NR2F1-AS1: variants seen among roughly 807,000 people sequenced by gnomAD.
NR2F1-AS1 encodes NR2F1 regulatory antisense RNA 1, also known as NR2F1 antisense RNA 1.
chr5:93,468,270 AAC>A lies in NR2F1-AS1; in HGVS notation n.639-72730_639-72729del, dbSNP rs574816479. 1.1e-3 allele frequency among the ~76,000 whole-genome samples: 174 copies of A among 152,362 alleles called. 2 individuals carry two copies. Among genetic ancestry groups the A allele is most frequent in the African/African-American group, 4.1e-3 (169 of 41,584 alleles). On this transcript the variant is annotated intron_variant and non_coding_transcript_variant, in intron 4 of 5. Transcript: ENST00000660523. ...GGTTGAACTAATTTACACTCCCACCAACAGTGTAAAAGCACTATTTCTCCACA... is the reference window on the plus strand; with the variant it reads ...GGTTGAACTAATTTACACTCCCACCAAGTGTAAAAGCACTATTTCTCCACA...
chr5:93,460,930 C>T (rs771237310), intron 4 of NR2F1-AS1, among the ~76,000 whole-genome samples: 1 of 152,204 alleles, frequency 6.6e-6, no homozygotes, highest in Non-Finnish European at 1.5e-5. Context: ...TGTGGCAATA[C>T]CTCAAAGACC....
chr5:93,522,445 C>T lies in NR2F1-AS1; in HGVS notation n.638+31316G>A, dbSNP rs114240785. 2.4e-3 allele frequency among the ~76,000 whole-genome samples: 368 copies of T among 152,260 alleles called. 2 individuals are homozygous for T. The highest frequency in any genetic ancestry group is 8.3e-3 in the African/African-American group (347 of 41,560). ...TTAAAGAATGAGGGTATTACTAATT[C>T]ATTCCCTTTTTTAAAAATACAACAA... is the stretch of plus-strand genomic sequence containing the variant. On this transcript the variant is annotated intron_variant and non_coding_transcript_variant, in intron 4 of 5. Coordinates refer to ENST00000660523, the Ensembl canonical transcript of NR2F1-AS1.
chr5:93,552,281 A>G (rs933074547), intron 4 of NR2F1-AS1, among the ~76,000 whole-genome samples: 1 of 152,184 alleles, frequency 6.6e-6, no homozygotes, highest in East Asian at 1.9e-4. Context: ...ACCAAGCTCA[A>G]TCTTGAATGA....
chr5:93,571,156 C>T (rs899476451), intron 1 of NR2F1-AS1: 12 of 152,060 alleles, frequency 7.9e-5, no homozygotes, highest in Non-Finnish European at 1.5e-4. Context: ...GCCACAGGCA[C>T]CTTAGGACCC....
chr5:93,435,248 T>G (rs1167832860), intron 4 of NR2F1-AS1, among the ~76,000 whole-genome samples: 1 of 152,168 alleles, frequency 6.6e-6, no homozygotes, highest in Non-Finnish European at 1.5e-5. Flanking sequence ...AACTCATGAT[T>G]TTTTTATTTT....
At chr5:93,482,853 G>A (rs1192135526) in intron 4 of NR2F1-AS1, among the ~76,000 whole-genome samples, 2 of 152,208 alleles carry the variant, frequency 1.3e-5, no homozygotes, top group Non-Finnish European at 2.9e-5. Context: ...CAACTGGGCA[G>A]AGCCCACTGC....
At chr5:93,553,636 T>C (rs549732920) in intron 4 of NR2F1-AS1, 58 of 152,350 alleles carry the variant, frequency 3.8e-4, no homozygotes, top group African/African-American at 1.3e-3. Flanking sequence ...TAATGAAGCA[T>C]CATGGTTCAA....
At chr5:93,478,825 T>C (rs758718031) in intron 4 of NR2F1-AS1, among the ~76,000 whole-genome samples, 2 of 152,248 alleles carry the variant, frequency 1.3e-5, no homozygotes, top group East Asian at 1.9e-4. Context: ...TATTTTCTTA[T>C]AGAAACTTGT....
At chr5:93,464,993 T>C (rs529363821) in intron 4 of NR2F1-AS1, among the ~76,000 whole-genome samples, 1 of 152,354 alleles carries the variant, frequency 6.6e-6, no homozygotes, top group African/African-American at 2.4e-5. Context: ...GTGGTATTTA[T>C]ATTAATAAAT....
At chr5:93,465,074 T>A (rs552041044) in intron 4 of NR2F1-AS1, among the ~76,000 whole-genome samples, 2 of 152,158 alleles carry the variant, frequency 1.3e-5, no homozygotes, top group African/African-American at 4.8e-5. Flanking sequence ...AATAGAAAAA[T>A]GGGATCTAAT....
At chr5:93,530,757 C>T (rs1751720144) in intron 4 of NR2F1-AS1, among the ~76,000 whole-genome samples, 1 of 152,066 alleles carries the variant, frequency 6.6e-6, no homozygotes, top group Non-Finnish European at 1.5e-5. Context: ...GTCCTAGAAA[C>T]AATATTTGCT....
At position 93,501,034 on chromosome 5, in the gene NR2F1-AS1, G is replaced by GATGAT. The variant is rs540459646; in HGVS notation, n.638+52726_638+52727insATCAT. Among the ~76,000 whole-genome samples the GATGAT allele has an allele frequency of 8.6e-4, 131 of 152,242 alleles. 5 individuals carry two copies. In the South Asian group the frequency reaches 0.019, roughly 23 times the overall value. ...CTTCTGGAAAAGATTTCTCATTCTA[G>GATGAT]ATGCTATTAAAACATCCATGTTTCA... is the stretch of plus-strand genomic sequence containing the variant. On this transcript the variant is annotated intron_variant and non_coding_transcript_variant, in intron 4 of 5. Coordinates refer to ENST00000660523, the Ensembl canonical transcript of NR2F1-AS1.
At chr5:93,563,196 T>C (rs948060888) in intron 2 of NR2F1-AS1, among the ~76,000 whole-genome samples, 2 of 152,262 alleles carry the variant, frequency 1.3e-5, no homozygotes, top group Non-Finnish European at 2.9e-5. Context: ...ATTTACCACA[T>C]TCTGTGTTAT....
chr5:93,477,277 A>C (rs150364742), intron 4 of NR2F1-AS1, among the ~76,000 whole-genome samples: 1 of 152,324 alleles, frequency 6.6e-6, no homozygotes, highest in African/African-American at 2.4e-5. Flanking sequence ...TATTAAACTG[A>C]AACATCAATG....
intron 4 of NR2F1-AS1, among the ~76,000 whole-genome samples, chr5:93,513,539 G>A (rs1156502693): frequency 6.6e-6 from 1 of 152,192 alleles, no homozygotes; most frequent in Admixed American, 6.6e-5. Context: ...TATCCCAAGT[G>A]AATTAAGGCA....
chr5:93,466,253 T>G (rs1750229324), intron 4 of NR2F1-AS1, among the ~76,000 whole-genome samples: 1 of 151,878 alleles, frequency 6.6e-6, no homozygotes, highest in Non-Finnish European at 1.5e-5. Flanking sequence ...ATCCACCCAC[T>G]TTTGCCATCT....
At chr5:93,485,094 C>A (rs1750687078) in intron 4 of NR2F1-AS1, among the ~76,000 whole-genome samples, 1 of 152,134 alleles carries the variant, frequency 6.6e-6, no homozygotes, top group Non-Finnish European at 1.5e-5. Flanking sequence ...GACTTGAACC[C>A]AGCTCTGGAC....
intron 4 of NR2F1-AS1, among the ~76,000 whole-genome samples, chr5:93,520,559 A>T (rs1751481053): frequency 6.6e-6 from 1 of 152,178 alleles, no homozygotes; most frequent in African/African-American, 2.4e-5. Flanking sequence ...ATTAGAAAGT[A>T]TTTAATCTAG....
chr5:93,581,718 CTCTCTCTCTCT>C (rs1753049467), upstream of NR2F1-AS1, among the ~76,000 whole-genome samples: 1 of 69,456 alleles, frequency 1.4e-5, no homozygotes, highest in African/African-American at 7.8e-5. Flanking sequence ...CTCTCTCTCT[CTCTCTCTCTCT>C]CTCTCCCCCT....
Sources: allele counts gnomAD v4.1 joint callset (sites outside exome capture counted in the v4.1 genomes callset), GRCh38; gene constraint gnomAD v4.1.1; transcripts MANE v1.5; gene names NCBI Gene and HGNC (gene_info 2026-07-23, HGNC 2026-07-21).